Variants in CARHSP1 observed in about 807,000 individuals in gnomAD.
The protein encoded by CARHSP1 is calcium-regulated heat-stable protein 1.
A neutral mutation model predicts 12.5 loss-of-function variants in CARHSP1; 14 were observed. The ratio of observed to expected loss-of-function variants is 1.12; its 90% CI spans 0.74 to 1.75. The LOEUF is 1.75. Among genes scored for constraint, CARHSP1 ranks in the 40% most tolerant of loss-of-function variants. The probability of loss-of-function intolerance (pLI) is 0.00; values close to 1 mark genes in which losing one functional copy is unlikely to be tolerated. For missense variants in CARHSP1, 343 were observed against 201.6 expected (o/e 1.70, Z -4.25); for synonymous variants, 161 against 82.0 (o/e 1.96, Z -5.20).
chr16:8,862,799 AATC>A, intron 1 of CARHSP1, among the ~76,000 whole-genome samples: 1 of 152,100 alleles, frequency 6.6e-6, no homozygotes, highest in Non-Finnish European at 1.5e-5. Flanking sequence ...CCCGCTCAGG[AATC>A]ATGCCGCGTC....
rs774634176 is a variant in CARHSP1 at position 8,858,372 on chromosome 16, C to G, written c.259G>C (p.Asp87His). The change falls in exon 3 of 4, where the codon GAC (aspartate) becomes CAC (histidine). Residue 87 changes from aspartate to histidine, a missense_variant. By Grantham distance (81) the Asp-to-His change is moderately conservative (BLOSUM62 -1). Transcript: ENST00000311052. ...GFITPADGGP[D>H]IFLHISDVEG... ...CACTCAGAGATGTGCAGGAAGATGT[C>G]GGGGCCGCCATCAGCTGGAGTAATG... 1.1e-5 allele frequency: 18 copies of G among 1,613,752 alleles called. No individual in the cohort carries two copies. In the East Asian group the frequency reaches 4.0e-4, roughly 36 times the overall value.
chr16:8,857,317 T>C (rs1432930773), intron 3 of CARHSP1: 1 of 127,390 alleles, frequency 7.8e-6, no homozygotes, highest in Admixed American at 9.0e-5. Context: ...AGTTTTGCTC[T>C]TGTTGCCCAG....
At chr16:8,866,164 G>C (rs371210727) in intron 1 of CARHSP1, among the ~76,000 whole-genome samples, 3 of 152,218 alleles carry the variant, frequency 2.0e-5, no homozygotes, top group African/African-American at 7.2e-5. Flanking sequence ...GTGTTGTCCA[G>C]GCTGGTCTCG....
intron 1 of CARHSP1, among the ~76,000 whole-genome samples, chr16:8,861,421 C>A (rs2061351075): frequency 6.6e-6 from 1 of 151,734 alleles, no homozygotes; most frequent in African/African-American, 2.4e-5. Flanking sequence ...AGTTTGCCCC[C>A]CCAGTCCCCT....
In CARHSP1 at chr16:8,854,231, A is replaced by G. The variant is rs1302162476; in HGVS notation, c.*933T>C. ...TAAAGAAAACCCCCTCTCCAAAGGT[A>G]TGTTTCTCCTTCAACTTTCTTGACT... is the stretch of plus-strand genomic sequence containing the variant. On this transcript the variant is annotated 3_prime_UTR_variant, in exon 4 of 4. Transcript: ENST00000311052. The G allele has an allele frequency of 6.6e-6, 1 of 152,112 alleles. No homozygotes were observed. The highest frequency in any genetic ancestry group is 2.4e-5 in the African/African-American group (1 of 41,416). The allele number at this position is 152,112 out of a possible 1,614,324, so 9.4% of individuals were successfully genotyped here. A position where few individuals can be genotyped will look rare whatever the true frequency, so the allele number is the denominator to read the frequency against.
intron 1 of CARHSP1, among the ~76,000 whole-genome samples, chr16:8,864,576 A>T (rs2061424273): frequency 6.6e-6 from 1 of 152,238 alleles, no homozygotes; most frequent in South Asian, 2.1e-4. Flanking sequence ...CTGGTGAAAT[A>T]CGGAGTAAGT....
At position 8,858,922 on chromosome 16, in the gene CARHSP1, C is replaced by T. The variant is rs534430324; in HGVS notation, c.158+249G>A. 15 of 450,106 alleles carry T rather than the reference C, an allele frequency of 3.3e-5. No homozygotes were observed. In the Admixed American group the frequency reaches 4.1e-4, roughly 12 times the overall value. The allele number at this position is 450,106 out of a possible 1,614,324, so 27.9% of individuals were successfully genotyped here. A position where few individuals can be genotyped will look rare whatever the true frequency, so the allele number is the denominator to read the frequency against. ...ACTCTCATGTGTGGTTAAAGCCCAGCGATTCTGACCCCAGCAACTGCCCAC... is the reference window on the plus strand; with the variant it reads ...ACTCTCATGTGTGGTTAAAGCCCAGTGATTCTGACCCCAGCAACTGCCCAC... On this transcript the variant is annotated intron_variant, in intron 2 of 3. Transcript: ENST00000311052.
Position 8,855,033 on chromosome 16 carries a change from G to T in CARHSP1, c.*131C>A. 1 of 583,850 alleles carries T rather than the reference G, an allele frequency of 1.7e-6. No homozygotes were observed. Among genetic ancestry groups the T allele is most frequent in the Non-Finnish European group, 2.6e-6 (1 of 386,950 alleles). 36.2% of individuals were successfully genotyped at this position (583,850 alleles called of 1,614,324 possible). The stretch of plus-strand genomic sequence containing the variant: ...CCTGCCCCCCATACCCCTTCCTCCA[G>T]GAGATACTTGAGAGGGACCATGCCC... On this transcript the variant is annotated 3_prime_UTR_variant, in exon 4 of 4. Transcript: ENST00000311052.
chr16:8,859,000 A>AATTTAC (rs943155487), intron 2 of CARHSP1, 171 bp downstream of exon 2: 11 of 577,308 alleles, frequency 1.9e-5, no homozygotes, highest in Middle Eastern at 4.7e-4. Flanking sequence ...CAGTACCCTG[A>AATTTAC]ATTTACAAGG....
At chr16:8,856,699 C>T (rs563001341) in intron 3 of CARHSP1, among the ~76,000 whole-genome samples, 4 of 152,096 alleles carry the variant, frequency 2.6e-5, no homozygotes, top group African/African-American at 7.2e-5. Context: ...TCCGTGTTAG[C>T]GGGTATGCTG....
At position 8,855,152 on chromosome 16, in the gene CARHSP1, T is replaced by G. The variant is rs776376647; in HGVS notation, c.*12A>C. On this transcript the variant is annotated 3_prime_UTR_variant, in exon 4 of 4. Coordinates refer to ENST00000311052, the MANE Select transcript of CARHSP1 (RefSeq NM_014316.4). Reference sequence around the variant, plus strand: ...CCCACAAGCACAGGACAAGGGGTGCTTCCACCATCTCCTAGGAGCTGATGA... The same window carrying G: ...CCCACAAGCACAGGACAAGGGGTGCGTCCACCATCTCCTAGGAGCTGATGA... The G allele has an allele frequency of 3.2e-6, 5 of 1,568,104 alleles. No homozygotes were observed. The highest frequency in any genetic ancestry group is 1.7e-4 in the Middle Eastern group (1 of 5,866).
intron 1 of CARHSP1, chr16:8,860,523 T>G (rs1209192993): frequency 7.1e-6 from 7 of 985,238 alleles, no homozygotes; most frequent in African/African-American, 1.7e-5. Context: ...AGTCCAGCAG[T>G]CAGAGGCCCT....
intron 2 of CARHSP1, 78 bp from the exon 3 acceptor site, chr16:8,858,550 G>A: frequency 4.5e-6 from 7 of 1,553,174 alleles, no homozygotes; most frequent in South Asian, 1.2e-5. Flanking sequence ...CCTGCCCACA[G>A]CTGTGCCCCA....
At chr16:8,860,952 A>C (rs1234458372) in intron 1 of CARHSP1, among the ~76,000 whole-genome samples, 8 of 151,446 alleles carry the variant, frequency 5.3e-5, no homozygotes, top group Non-Finnish European at 1.2e-4. Flanking sequence ...CGGGAGGCCA[A>C]AGCTGGAGAA....
intron 2 of CARHSP1, 174 bp from the exon 3 acceptor site, chr16:8,858,646 C>G (rs1481485596): frequency 1.0e-5 from 8 of 762,748 alleles, no homozygotes; most frequent in African/African-American, 1.8e-5. Context: ...CACAAAGACG[C>G]TGGGGGAAAG....
chr16:8,867,593 C>CA (rs2141132934), intron 1 of CARHSP1: 1 of 152,538 alleles, frequency 6.6e-6, no homozygotes, highest in South Asian at 2.1e-4. Context: ...CAACCACCCT[C>CA]AACCCCACCC....
chr16:8,855,184 C>A lies in CARHSP1; in HGVS notation c.424G>T (p.Gly142Ter). ...ATCTCCTAGGAGCTGATGACATGTCCAGACCAGGTCTCATGCTTGGTGCCT... is the reference window on the plus strand; with the variant it reads ...ATCTCCTAGGAGCTGATGACATGTCAAGACCAGGTCTCATGCTTGGTGCCT... ...APGTKHETWS[G>*]HVISS Residue 142 changes from glycine to a stop codon, truncating the protein, a stop_gained, in exon 4 of 4, where the codon GGA becomes TGA. Coordinates refer to ENST00000311052, the MANE Select transcript of CARHSP1 (RefSeq NM_014316.4). LOFTEE classifies it high-confidence loss of function. 6.2e-7 allele frequency: 1 copy of A among 1,607,408 alleles called. No individual in the cohort carries two copies. Among genetic ancestry groups the A allele is most frequent in the Non-Finnish European group, 8.5e-7 (1 of 1,175,978 alleles).
chr16:8,858,902 CAT>C (rs77693342), intron 2 of CARHSP1: 96,845 of 438,908 alleles, frequency 0.22, 11,157 homozygotes, highest in East Asian at 0.29. Flanking sequence ...ACCAGACTCT[CAT>C]GTGTGGTTAA....
chr16:8,863,992 A>G (rs1034398185), intron 1 of CARHSP1, among the ~76,000 whole-genome samples: 41 of 152,246 alleles, frequency 2.7e-4, no homozygotes, highest in African/African-American at 9.4e-4. Flanking sequence ...ACTAGCCTTC[A>G]GCTCCCCACA....
Sources: allele counts gnomAD v4.1 joint callset (sites outside exome capture counted in the v4.1 genomes callset), GRCh38; gene constraint gnomAD v4.1.1; transcripts MANE v1.5; gene names NCBI Gene and HGNC (gene_info 2026-07-23, HGNC 2026-07-21).